CAMTA1: variants seen among roughly 807,000 people sequenced by gnomAD.
CAMTA1 encodes the protein calmodulin-binding transcription activator 1.
CAMTA1 carries 27 observed loss-of-function variants against 170.9 expected under a neutral mutation model. The observed-to-expected ratio is 0.16, with a 90% CI of 0.12 to 0.22. CAMTA1 has a LOEUF of 0.22. CAMTA1 is among the 10% of genes least tolerant of loss of function. The probability of loss-of-function intolerance (pLI) is 1.00; values close to 1 mark genes in which losing one functional copy is unlikely to be tolerated. For missense variants in CAMTA1, 1,619 were observed against 2,217.2 expected (o/e 0.73, Z 5.42); for synonymous variants, 833 against 891.5 (o/e 0.93, Z 1.17).
intron 1 of CAMTA1, among the ~76,000 whole-genome samples, chr1:6,792,342 G>GTTTT (rs75615458): frequency 7.5e-6 from 1 of 134,086 alleles, no homozygotes; most frequent in Non-Finnish European, 1.6e-5. Flanking sequence ...GTGGTTTTGG[G>GTTTT]TTTTTTTTTT....
intron 5 of CAMTA1, among the ~76,000 whole-genome samples, chr1:7,266,643 G>A (rs1668981465): frequency 6.6e-6 from 1 of 152,232 alleles, no homozygotes. Context: ...CTGAGAGAAG[G>A]ACTAGAGGAC....
chr1:7,330,054 C>A (rs1281048279), intron 5 of CAMTA1, among the ~76,000 whole-genome samples: 2 of 152,134 alleles, frequency 1.3e-5, no homozygotes, highest in African/African-American at 4.8e-5. Context: ...TTCTCTCGGG[C>A]TTCTAGGCAG....
At chr1:7,596,996 C>T (rs1238497386) in intron 6 of CAMTA1, among the ~76,000 whole-genome samples, 1 of 152,218 alleles carries the variant, frequency 6.6e-6, no homozygotes. Context: ...GTACCAGTGT[C>T]TCCACCTGTA....
At chr1:7,452,556 C>T (rs1177545403) in intron 5 of CAMTA1, among the ~76,000 whole-genome samples, 1 of 152,334 alleles carries the variant, frequency 6.6e-6, no homozygotes, top group South Asian at 2.1e-4. Flanking sequence ...CTAGCGACCA[C>T]CAATCTGCAT....
rs2092962644 is a variant in CAMTA1, at chr1:7,456,800, G to A, written c.439-11030G>A. 6.6e-6 allele frequency among the ~76,000 whole-genome samples: 1 copy of A among 152,226 alleles called. No individual in the cohort carries two copies. Among genetic ancestry groups the A allele is most frequent in the Non-Finnish European group, 1.5e-5 (1 of 68,038 alleles). On this transcript the variant is annotated intron_variant, in intron 5 of 22. Coordinates refer to ENST00000303635, the MANE Select transcript of CAMTA1 (RefSeq NM_015215.4). This position sits in a 1 kb window ranked among gnomAD's most constrained non-coding sequence, Gnocchi z 4.9. ...CTGGGACACAGCAGGGGCCCATGTGGGCCTGGCTGAACGTCCTCAGAGGGT... is the reference window on the plus strand; with the variant it reads ...CTGGGACACAGCAGGGGCCCATGTGAGCCTGGCTGAACGTCCTCAGAGGGT...
intron 3 of CAMTA1, among the ~76,000 whole-genome samples, chr1:6,859,172 A>T (rs1180814831): frequency 6.6e-6 from 1 of 152,052 alleles, no homozygotes. Flanking sequence ...CCTTTTTTGG[A>T]CTTTACAAAT....
rs554533494 is a variant in CAMTA1 at position 7,736,372 on chromosome 1, G to C, written c.3095G>C (p.Ser1032Thr). The C allele has an allele frequency of 1.2e-6, 2 of 1,614,156 alleles. No homozygotes were observed. Among genetic ancestry groups the C allele is most frequent in the South Asian group, 2.2e-5 (2 of 91,090 alleles). Residue 1032 changes from serine (S) to threonine (T), a missense_variant, in exon 13 of 23, where the codon AGC becomes ACC. Transcript: ENST00000303635. The surrounding 1 kb of genome is among the most constrained non-coding windows in gnomAD (Gnocchi z 4.5). ...QCASGTGALG[S>T]CFESRVVVVC... ...GCTTCTGGGACTGGGGCCTTGGGGA[G>C]CTGCTTTGAGAGCCGTGTGGTCGTG... is the stretch of plus-strand genomic sequence containing the variant.
chr1:7,525,725 C>G (rs2150007873), intron 6 of CAMTA1, among the ~76,000 whole-genome samples: 1 of 152,284 alleles, frequency 6.6e-6, no homozygotes, highest in African/African-American at 2.4e-5. Context: ...CCCCTGCACC[C>G]TGCTCCTCCA....
At chr1:7,704,703 G>A (rs1208192529) in intron 11 of CAMTA1, among the ~76,000 whole-genome samples, 3 of 148,254 alleles carry the variant, frequency 2.0e-5, no homozygotes, top group Non-Finnish European at 4.5e-5. Flanking sequence ...TGGTCCGGGC[G>A]GCGCACTCGG....
rs547101458 is a variant in CAMTA1, at chr1:7,068,966, C to T, written c.235-22338C>T. 3.9e-5 allele frequency among the ~76,000 whole-genome samples: 6 copies of T among 152,296 alleles called. No homozygotes were observed. In the South Asian group the frequency reaches 1.2e-3, roughly 32 times the overall value. On this transcript the variant is annotated intron_variant, in intron 3 of 22. Transcript: ENST00000303635. ...CCCTCTCTTTGTTCACTCGCTTGCT[C>T]GAGAACCCAGGGACGGTGGGAGGAA...
chr1:7,502,740 C>T (rs190383217), intron 6 of CAMTA1, among the ~76,000 whole-genome samples: 342 of 152,288 alleles, frequency 2.2e-3, no homozygotes, highest in African/African-American at 7.9e-3. Flanking sequence ...TCAATGCCGA[C>T]GGAGATGTGA....
At chr1:7,526,066 G>A (rs1367396745) in intron 6 of CAMTA1, among the ~76,000 whole-genome samples, 2 of 152,034 alleles carry the variant, frequency 1.3e-5, no homozygotes, top group Non-Finnish European at 2.9e-5. Flanking sequence ...CAAGATTAAT[G>A]CAAAAAATCC....
At chr1:6,833,432 C>G (rs539926968) in intron 3 of CAMTA1, among the ~76,000 whole-genome samples, 5 of 152,124 alleles carry the variant, frequency 3.3e-5, no homozygotes, top group Non-Finnish European at 4.4e-5. Flanking sequence ...AAAGAAAATA[C>G]AAAACTAATA....
At chr1:7,537,598 C>A (rs1324288682) in intron 6 of CAMTA1, among the ~76,000 whole-genome samples, 2 of 152,238 alleles carry the variant, frequency 1.3e-5, no homozygotes, top group East Asian at 3.8e-4. Context: ...CAAGGCCTCT[C>A]TGCTGAAGGG....
At chr1:7,139,093 ATATT>A (rs1472701536) in intron 4 of CAMTA1, among the ~76,000 whole-genome samples, 5 of 142,894 alleles carry the variant, frequency 3.5e-5, no homozygotes, top group African/African-American at 5.1e-5. Context: ...TTTATTATTT[ATATT>A]TATTTATAAA....
intron 3 of CAMTA1, among the ~76,000 whole-genome samples, chr1:7,066,701 A>G (rs1293195931): frequency 6.6e-6 from 1 of 152,234 alleles, no homozygotes; most frequent in African/African-American, 2.4e-5. Context: ...TTCTTTCAGA[A>G]GTCCTGATGC....
chr1:7,298,735 C>T (rs568893868), intron 5 of CAMTA1, among the ~76,000 whole-genome samples: 1 of 152,226 alleles, frequency 6.6e-6, no homozygotes, highest in South Asian at 2.1e-4. Flanking sequence ...AAGCAAATGC[C>T]AGGCATTGTG....
In CAMTA1 at chr1:7,041,259, C is replaced by G. The variant is rs531552321; in HGVS notation, c.235-50045C>G. Among the ~76,000 whole-genome samples the G allele has an allele frequency of 6.6e-6, 1 of 152,252 alleles. No homozygotes were observed. Among genetic ancestry groups the G allele is most frequent in the African/African-American group, 2.4e-5 (1 of 41,464 alleles). On this transcript the variant is annotated intron_variant, in intron 3 of 22. Coordinates refer to ENST00000303635, the MANE Select transcript of CAMTA1 (RefSeq NM_015215.4). This position sits in a 1 kb window ranked among gnomAD's most constrained non-coding sequence, Gnocchi z 5.1. ...GAAGGGTTGCCCTCTGTCCCCTTCT[C>G]GGCTTCCTCTGCAGAGGGGCTCAGA...
chr1:7,035,089 A>G (rs553570271), intron 3 of CAMTA1, among the ~76,000 whole-genome samples: 2 of 152,198 alleles, frequency 1.3e-5, no homozygotes, highest in Non-Finnish European at 2.9e-5. Context: ...TTACTTTTGC[A>G]CCAACCTAAA....
Sources: allele counts gnomAD v4.1 joint callset (sites outside exome capture counted in the v4.1 genomes callset), GRCh38; gene constraint gnomAD v4.1.1; non-coding constraint Gnocchi (gnomAD v3.1); transcripts MANE v1.5; gene names NCBI Gene and HGNC (gene_info 2026-07-23, HGNC 2026-07-21).